The following CPA6 variants were observed in gnomAD, a reference collection of about 807,000 sequenced individuals.
CPA6 encodes the protein carboxypeptidase A6.
CPA6 carries 58 observed loss-of-function variants against 63.3 expected under a neutral mutation model. That is an observed-to-expected ratio of 0.92 (90% CI 0.74 to 1.14). The LOEUF (loss-of-function observed/expected upper bound fraction) is 1.14. CPA6 is among the 50% of genes most tolerant of loss of function. CPA6 has a pLI of 0.00. For missense variants in CPA6, 565 were observed against 526.6 expected, an observed-to-expected ratio of 1.07 and a Z score of -0.71; for synonymous variants, 185 against 179.0, an observed-to-expected ratio of 1.03 and a Z score of -0.27.
intron 6 of CPA6, among the ~76,000 whole-genome samples, chr8:67,497,322 C>T (rs1453256547): frequency 6.6e-6 from 1 of 152,162 alleles, no homozygotes; most frequent in Non-Finnish European, 1.5e-5. Flanking sequence ...TTTGCCTATT[C>T]TCTGAACATT....
chr8:67,479,138 T>C (rs1009503694), intron 8 of CPA6, among the ~76,000 whole-genome samples: 3 of 152,222 alleles, frequency 2.0e-5, no homozygotes, highest in African/African-American at 4.8e-5. Context: ...TTTATGCTGA[T>C]ATTTCCTTAT....
chr8:67,448,111 C>T (rs1388015711), intron 8 of CPA6, among the ~76,000 whole-genome samples: 2 of 152,156 alleles, frequency 1.3e-5, no homozygotes, highest in Non-Finnish European at 2.9e-5. Flanking sequence ...TGGAAGTGTG[C>T]TTGTGTTCAT....
At chr8:67,518,504 C>CT (rs1812195133) in intron 2 of CPA6, among the ~76,000 whole-genome samples, 1 of 124,364 alleles carries the variant, frequency 8.0e-6, no homozygotes, top group Non-Finnish European at 1.7e-5. Context: ...TTTTTCTTTT[C>CT]TTTTCTTTTT....
At chr8:67,509,065 C>T (rs1170481117) in intron 5 of CPA6, among the ~76,000 whole-genome samples, 1 of 152,030 alleles carries the variant, frequency 6.6e-6, no homozygotes, top group Non-Finnish European at 1.5e-5. Context: ...GTGCTACACA[C>T]TTTTAAACAA....
Position 67,483,613 on chromosome 8 carries a change from A to G in CPA6, c.838+155T>C, listed in dbSNP as rs188871407. 7.4e-5 allele frequency: 47 copies of G among 638,312 alleles called. No homozygotes were observed. The East Asian group carries it at 1.2e-3, about 17-fold the overall frequency. The allele number at this position is 638,312 out of a possible 1,614,324, so 39.5% of individuals were successfully genotyped here. A position where few individuals can be genotyped will look rare whatever the true frequency, so the allele number is the denominator to read the frequency against. The stretch of plus-strand genomic sequence containing the variant: ...AGAATCCTTTCATTTTCTTTTGCCA[A>G]TTACAGCTATCATGTACGTATCTGT... On this transcript the variant is annotated intron_variant, in intron 8 of 10. Transcript: ENST00000297770.
At chr8:67,590,805 G>C (rs1465320161) in intron 2 of CPA6, among the ~76,000 whole-genome samples, 3 of 150,376 alleles carry the variant, frequency 2.0e-5, no homozygotes, top group Admixed American at 6.6e-5. Context: ...AGATGAGTAG[G>C]TTGCGAAAAT....
intron 2 of CPA6, among the ~76,000 whole-genome samples, chr8:67,534,685 A>G (rs986641823): frequency 3.9e-5 from 6 of 152,132 alleles, no homozygotes; most frequent in African/African-American, 1.4e-4. Flanking sequence ...GTTGTATCAG[A>G]TATTAGTAGC....
At chr8:67,705,348 C>A (rs902018524) in intron 1 of CPA6, among the ~76,000 whole-genome samples, 6 of 152,158 alleles carry the variant, frequency 3.9e-5, no homozygotes, top group Non-Finnish European at 7.4e-5. Flanking sequence ...AAGCCAAGGG[C>A]AACTCTGGAG....
At chr8:67,603,593 A>G (rs1364751586) in intron 2 of CPA6, among the ~76,000 whole-genome samples, 2 of 152,220 alleles carry the variant, frequency 1.3e-5, no homozygotes, top group Non-Finnish European at 2.9e-5. Context: ...TTCTTTGAAT[A>G]GTATTGGGAA....
intron 10 of CPA6, among the ~76,000 whole-genome samples, chr8:67,426,227 G>A (rs1191358236): frequency 6.6e-6 from 1 of 152,162 alleles, no homozygotes; most frequent in African/African-American, 2.4e-5. Flanking sequence ...CTTTGGCCTT[G>A]CAAAGTGCTA....
At chr8:67,510,321 T>C (rs1249416846) in intron 4 of CPA6, among the ~76,000 whole-genome samples, 2 of 152,152 alleles carry the variant, frequency 1.3e-5, no homozygotes, top group Non-Finnish European at 2.9e-5. Flanking sequence ...AAAGGATCAG[T>C]GCTGAAAAAA....
intron 2 of CPA6, among the ~76,000 whole-genome samples, chr8:67,621,888 A>G (rs1246115200): frequency 1.3e-5 from 2 of 152,046 alleles, no homozygotes; most frequent in Non-Finnish European, 2.9e-5. Flanking sequence ...TGCAGGAATG[A>G]TTTTCTTTAA....
intron 2 of CPA6, among the ~76,000 whole-genome samples, chr8:67,618,957 C>T (rs1277134098): frequency 2.0e-5 from 3 of 152,120 alleles, no homozygotes; most frequent in Non-Finnish European, 4.4e-5. Flanking sequence ...TCTCTAGGGG[C>T]ATGGTTTTCT....
At chr8:67,438,760 T>C (rs1018392118) in intron 8 of CPA6, among the ~76,000 whole-genome samples, 3 of 91,500 alleles carry the variant, frequency 3.3e-5, no homozygotes, top group African/African-American at 2.5e-4. Flanking sequence ...AGACAACAAA[T>C]TGATGGAAAA....
At position 67,429,517 on chromosome 8, in the gene CPA6, A is replaced by T. The variant is rs1175752807; in HGVS notation, c.1042-1386T>A. 4 of 152,174 alleles carry T rather than the reference A, an allele frequency of 2.6e-5. No homozygotes were observed. The East Asian group carries it at 7.7e-4, about 29-fold the overall frequency. The allele number at this position is 152,174 out of a possible 1,614,324, so 9.4% of individuals were successfully genotyped here. On this transcript the variant is annotated intron_variant, in intron 9 of 10. Coordinates refer to ENST00000297770, the MANE Select transcript of CPA6 (RefSeq NM_020361.5). ...CAGAAATGCATGAGGCAGTATTTGC[A>T]GCAAATGCCACCATTTGTGGATATT...
intron 1 of CPA6, among the ~76,000 whole-genome samples, chr8:67,657,945 A>G (rs1816024544): frequency 6.6e-6 from 1 of 152,090 alleles, no homozygotes; most frequent in Non-Finnish European, 1.5e-5. Context: ...CCTGCCAGCC[A>G]TGACTCTAGG....
chr8:67,425,845 C>T (rs1041254712), intron 10 of CPA6, among the ~76,000 whole-genome samples: 1 of 151,910 alleles, frequency 6.6e-6, no homozygotes, highest in Non-Finnish European at 1.5e-5. Flanking sequence ...ACAATATGTG[C>T]CAACAGTTAC....
At chr8:67,441,987 T>C (rs1395777507) in intron 8 of CPA6, among the ~76,000 whole-genome samples, 1 of 152,184 alleles carries the variant, frequency 6.6e-6, no homozygotes, top group African/African-American at 2.4e-5. Context: ...ACTTTATGTA[T>C]GTTTGGTCAT....
At chr8:67,575,842 C>CAAAAAAAAA (rs1220968056) in intron 2 of CPA6, among the ~76,000 whole-genome samples, 1 of 77,642 alleles carries the variant, frequency 1.3e-5, no homozygotes. Context: ...ACTCTGTCTC[C>CAAAAAAAAA]AAAAAAAAAA....
Sources: gnomAD v4.1 joint callset for allele counts (sites outside exome capture counted in the v4.1 genomes callset) on GRCh38, gnomAD v4.1.1 for gene constraint, MANE v1.5 for transcripts, NCBI Gene and HGNC (gene_info 2026-07-23, HGNC 2026-07-21) for gene names.